Variants in CTBP2 observed in about 807,000 individuals in gnomAD.
CTBP2 encodes the protein C-terminal-binding protein 2.
Under a neutral mutation model 80.3 loss-of-function variants are expected in CTBP2, and 30 were observed. That is an observed-to-expected ratio of 0.37 (90% CI 0.28 to 0.51). The LOEUF is 0.51. Ranked by LOEUF, CTBP2 falls within the 20% of genes least tolerant of loss-of-function variation. The pLI, the probability that CTBP2 is intolerant of heterozygous loss-of-function variation, is 0.93. For missense variants in CTBP2, 1,212 were observed against 1,375.3 expected (o/e 0.88, Z 1.88); for synonymous variants, 594 against 587.4 (o/e 1.01, Z -0.16).
chr10:125,141,634 C>T (rs1196882002), intron 1 of CTBP2, among the ~76,000 whole-genome samples: 1 of 152,108 alleles, frequency 6.6e-6, no homozygotes, highest in African/African-American at 2.4e-5. Flanking sequence ...GGCAAGCACA[C>T]AGTAAACACA....
intron 1 of CTBP2, among the ~76,000 whole-genome samples, chr10:125,139,163 G>C (rs1403021091): frequency 6.6e-6 from 1 of 152,070 alleles, no homozygotes; most frequent in Non-Finnish European, 1.5e-5. Flanking sequence ...CTTGAGGCCA[G>C]GAGTTCGAGA....
At chr10:125,131,035 C>T (rs1012218419) in intron 1 of CTBP2, among the ~76,000 whole-genome samples, 2 of 152,088 alleles carry the variant, frequency 1.3e-5, no homozygotes, top group African/African-American at 4.8e-5. Context: ...GGCAGACAGG[C>T]GGGGAGGCAG....
intron 1 of CTBP2, among the ~76,000 whole-genome samples, chr10:125,013,484 T>G (rs1956148567): frequency 6.6e-6 from 1 of 152,192 alleles, no homozygotes; most frequent in Non-Finnish European, 1.5e-5. Flanking sequence ...AAATCACCTA[T>G]GCACCAAGAA....
chr10:125,044,560 G>A (rs1265577625), intron 2 of CTBP2, among the ~76,000 whole-genome samples: 1 of 152,204 alleles, frequency 6.6e-6, no homozygotes, highest in African/African-American at 2.4e-5. Context: ...TCTTCTGAAC[G>A]GGTGATGAGC....
chr10:125,150,000 A>T (rs890057049), intron 1 of CTBP2, among the ~76,000 whole-genome samples: 1 of 152,216 alleles, frequency 6.6e-6, no homozygotes, highest in Admixed American at 6.5e-5. Context: ...ACCCGGCAAA[A>T]CCTAGTTTCT....
intron 2 of CTBP2, among the ~76,000 whole-genome samples, chr10:125,064,153 G>T (rs956109605): frequency 3.3e-5 from 5 of 152,242 alleles, no homozygotes; most frequent in African/African-American, 1.2e-4. Context: ...GTTAGATGGT[G>T]AATACCTCAG....
chr10:125,068,859 G>T (rs1290335373), intron 2 of CTBP2, among the ~76,000 whole-genome samples: 1 of 152,156 alleles, frequency 6.6e-6, no homozygotes, highest in African/African-American at 2.4e-5. Flanking sequence ...TGCCCTGCTG[G>T]GGGAATCTGC....
At chr10:125,058,183 G>A (rs540069685) in intron 2 of CTBP2, among the ~76,000 whole-genome samples, 19 of 152,168 alleles carry the variant, frequency 1.2e-4, no homozygotes, top group African/African-American at 4.6e-4. Context: ...AGGCAAAGTG[G>A]AGGTCCCAGT....
chr10:125,121,820 A>T (rs1270390244), intron 1 of CTBP2, among the ~76,000 whole-genome samples: 2 of 152,248 alleles, frequency 1.3e-5, no homozygotes, highest in African/African-American at 4.8e-5. Context: ...CCCAGGCTCA[A>T]GAAACACATC....
chr10:124,988,490 C>T lies in CTBP2; in HGVS notation c.*1028G>A, dbSNP rs75331419. The stretch of plus-strand genomic sequence containing the variant: ...GACAATTTTAAAGTTTTTCTTTTGT[C>T]ACAAAAACAGGAATGTACCTATACA... On this transcript the variant is annotated 3_prime_UTR_variant, in exon 9 of 9. Coordinates refer to ENST00000309035, the MANE Select transcript of CTBP2 (RefSeq NM_022802.3). 6.6e-6 allele frequency: 1 copy of T among 152,510 alleles called. No homozygotes were observed. Among genetic ancestry groups the T allele is most frequent in the Non-Finnish European group, 1.5e-5 (1 of 68,000 alleles). The allele number at this position is 152,510 out of a possible 1,614,324, so 9.4% of individuals were successfully genotyped here.
chr10:125,134,652 C>T (rs1460515759), intron 1 of CTBP2, among the ~76,000 whole-genome samples: 1 of 152,166 alleles, frequency 6.6e-6, no homozygotes, highest in Non-Finnish European at 1.5e-5. Flanking sequence ...ACCACAGCAG[C>T]CCCAGACACG....
chr10:125,095,694 G>C (rs1443995029), intron 2 of CTBP2, among the ~76,000 whole-genome samples: 1 of 152,210 alleles, frequency 6.6e-6, no homozygotes, highest in Admixed American at 6.5e-5. Context: ...CAGATGTTTT[G>C]TGATGTCCTG....
intron 2 of CTBP2, among the ~76,000 whole-genome samples, chr10:125,039,997 G>A (rs930362648): frequency 3.3e-5 from 5 of 152,202 alleles, no homozygotes; most frequent in African/African-American, 7.2e-5. Flanking sequence ...TGGGGAAGAG[G>A]AGCTGCTGCC....
At chr10:125,037,071 A>T (rs1958980618) in intron 3 of CTBP2, among the ~76,000 whole-genome samples, 2 of 152,224 alleles carry the variant, frequency 1.3e-5, no homozygotes, top group Non-Finnish European at 2.9e-5. Context: ...GAAATTTAAA[A>T]TATATAACTG....
chr10:125,073,611 C>A (rs1191274130), intron 2 of CTBP2, among the ~76,000 whole-genome samples: 1 of 152,122 alleles, frequency 6.6e-6, no homozygotes, highest in Non-Finnish European at 1.5e-5. Context: ...AATTGGAAAC[C>A]GATTTGTACG....
In CTBP2 at chr10:124,984,984, G is replaced by A. The variant is rs1242304239; in HGVS notation, c.*4534C>T. The A allele has an allele frequency of 5.0e-6, 8 of 1,600,690 alleles. No individual in the cohort carries two copies. The highest frequency in any genetic ancestry group is 1.7e-4 in the Middle Eastern group (1 of 6,014). On this transcript the variant is annotated 3_prime_UTR_variant, in exon 9 of 9. Transcript: ENST00000309035. ...TGGAGAGGAAGATGAGGATGATGAA[G>A]ATGAATGAAAAAAAAAATCAAACAG... is the stretch of plus-strand genomic sequence containing the variant.
intron 2 of CTBP2, among the ~76,000 whole-genome samples, chr10:125,040,293 A>G (rs566741541): frequency 6.6e-6 from 1 of 152,094 alleles, no homozygotes; most frequent in South Asian, 2.1e-4. Flanking sequence ...CGTCTCTACT[A>G]AAAATACAAA....
intron 2 of CTBP2, among the ~76,000 whole-genome samples, chr10:125,092,829 G>A (rs1309777842): frequency 1.3e-5 from 2 of 151,268 alleles, no homozygotes; most frequent in African/African-American, 4.9e-5. Context: ...AACATGCCCA[G>A]TTACCACATG....
intron 2 of CTBP2, among the ~76,000 whole-genome samples, chr10:125,056,372 G>C (rs1427800791): frequency 6.6e-6 from 1 of 152,170 alleles, no homozygotes; most frequent in Non-Finnish European, 1.5e-5. Context: ...CCATGGAGGA[G>C]GACACGCCCA....
Sources: allele counts gnomAD v4.1 joint callset (sites outside exome capture counted in the v4.1 genomes callset), GRCh38; gene constraint gnomAD v4.1.1; transcripts MANE v1.5; gene names NCBI Gene and HGNC (gene_info 2026-07-23, HGNC 2026-07-21).